VWA3B: variants seen among roughly 807,000 people sequenced by gnomAD.
VWA3B encodes von Willebrand factor A domain-containing protein 3B.
Under a neutral mutation model 158.3 loss-of-function variants are expected in VWA3B, and 138 were observed. The observed-to-expected ratio is 0.87, with a 90% CI of 0.76 to 1.00. The LOEUF (loss-of-function observed/expected upper bound fraction) is 1.00, where lower values mean the gene tolerates loss of function less well. Ranked by LOEUF, VWA3B falls within the 50% of genes least tolerant of loss-of-function variation. The probability of loss-of-function intolerance (pLI) is 0.00; values close to 1 mark genes in which losing one functional copy is unlikely to be tolerated. For missense variants in VWA3B, 1,555 were observed against 1,565.1 expected (o/e 0.99, Z 0.11); for synonymous variants, 596 against 587.3 (o/e 1.01, Z -0.21).
intron 6 of VWA3B, among the ~76,000 whole-genome samples, chr2:98,132,565 A>G (rs1344719942): frequency 6.6e-6 from 1 of 152,224 alleles, no homozygotes; most frequent in African/African-American, 2.4e-5. Context: ...AAGCGAGACT[A>G]TATCAGCCAG....
chr2:98,239,340 TCG>T (rs1685913977), intron 19 of VWA3B, among the ~76,000 whole-genome samples: 6 of 22,620 alleles, frequency 2.7e-4, no homozygotes, highest in African/African-American at 1.1e-3. Flanking sequence ...TGAAAAGTCC[TCG>T]TGCTAAATGA....
chr2:98,306,977 AAGGGCTAGCAGAACCG>A (rs1690566286), intron 26 of VWA3B, among the ~76,000 whole-genome samples: 1 of 152,188 alleles, frequency 6.6e-6, no homozygotes, highest in African/African-American at 2.4e-5. Flanking sequence ...TTTCTATAAT[AAGGGCTAGCAGAACCG>A]AGTACAAAAA....
At chr2:98,248,527 C>T (rs547515234) in intron 19 of VWA3B, among the ~76,000 whole-genome samples, 20 of 152,204 alleles carry the variant, frequency 1.3e-4, no homozygotes, top group South Asian at 1.0e-3. Flanking sequence ...TTAGGTCTTG[C>T]GAGGCTACAT....
chr2:98,278,751 G>C (rs186787185), intron 22 of VWA3B, among the ~76,000 whole-genome samples: 53 of 151,702 alleles, frequency 3.5e-4, no homozygotes, highest in Admixed American at 3.2e-3. Context: ...GGTACAGGAT[G>C]GGGGGGTGGT....
intron 13 of VWA3B, 53 bp from the exon 14 acceptor site, chr2:98,217,793 T>G: frequency 6.8e-7 from 1 of 1,473,540 alleles, no homozygotes; most frequent in Non-Finnish European, 9.0e-7. Context: ...TATTCTTTTC[T>G]TTCTCTTCTC....
At chr2:98,176,375 A>G (rs1263508237) in intron 8 of VWA3B, among the ~76,000 whole-genome samples, 2 of 133,224 alleles carry the variant, frequency 1.5e-5, no homozygotes, top group African/African-American at 2.9e-5. Flanking sequence ...CACTCAGTCT[A>G]AATTTCCTTA....
At chr2:98,298,910 A>G (rs565698116) in intron 24 of VWA3B, among the ~76,000 whole-genome samples, 1 of 152,350 alleles carries the variant, frequency 6.6e-6, no homozygotes, top group South Asian at 2.1e-4. Context: ...GAGGTGAATT[A>G]GTGCCCTATG....
chr2:98,254,054 G>A (rs1446578878), intron 20 of VWA3B, among the ~76,000 whole-genome samples: 2 of 152,124 alleles, frequency 1.3e-5, no homozygotes, highest in Non-Finnish European at 2.9e-5. Context: ...TAAAATTAGA[G>A]ACCTGTGCTA....
intron 14 of VWA3B, among the ~76,000 whole-genome samples, chr2:98,225,978 G>A (rs957369793): frequency 9.2e-5 from 14 of 152,276 alleles, no homozygotes; most frequent in South Asian, 8.3e-4. Flanking sequence ...CGGATTGAAC[G>A]ACTTAACATA....
At chr2:98,188,335 C>T (rs969294773) in intron 10 of VWA3B, among the ~76,000 whole-genome samples, 15 of 152,124 alleles carry the variant, frequency 9.9e-5, no homozygotes, top group African/African-American at 2.7e-4. Flanking sequence ...AAACACACGT[C>T]GTTTCTGTAT....
chr2:98,174,091 C>A (rs1371204171), intron 8 of VWA3B, among the ~76,000 whole-genome samples: 1 of 152,260 alleles, frequency 6.6e-6, no homozygotes, highest in East Asian at 1.9e-4. Flanking sequence ...GAGTTAAGGA[C>A]CTTCAAAACT....
chr2:98,108,274 C>G (rs892637181), intron 2 of VWA3B, among the ~76,000 whole-genome samples: 12 of 152,138 alleles, frequency 7.9e-5, no homozygotes, highest in Admixed American at 3.3e-4. Context: ...GTTTTATAAC[C>G]AAATATGTGC....
At chr2:98,233,984 C>T (rs1685503561) in intron 16 of VWA3B, among the ~76,000 whole-genome samples, 1 of 152,224 alleles carries the variant, frequency 6.6e-6, no homozygotes, top group African/African-American at 2.4e-5. Flanking sequence ...GCTAAGTTGT[C>T]ATTTGCCTGT....
chr2:98,308,350 C>T (rs1309301407), intron 26 of VWA3B, among the ~76,000 whole-genome samples: 6 of 152,194 alleles, frequency 3.9e-5, no homozygotes, highest in African/African-American at 7.2e-5. Context: ...CCTTCCCTTC[C>T]GTTCAGGAGT....
intron 8 of VWA3B, among the ~76,000 whole-genome samples, chr2:98,164,103 G>A (rs1300753299): frequency 1.3e-5 from 2 of 152,126 alleles, no homozygotes; most frequent in Admixed American, 1.3e-4. Flanking sequence ...CGCTGTCTGT[G>A]TCTGTGCAGG....
the VWA3B span, among the ~76,000 whole-genome samples, chr2:98,321,205 G>A: frequency 4.6e-5 from 7 of 152,192 alleles, no homozygotes; most frequent in African/African-American, 9.6e-5. Flanking sequence ...CCTAGATTTC[G>A]GAGGATGTTT....
At chr2:98,149,313 A>G (rs1677426175) in intron 7 of VWA3B, among the ~76,000 whole-genome samples, 1 of 152,222 alleles carries the variant, frequency 6.6e-6, no homozygotes, top group Non-Finnish European at 1.5e-5. Context: ...CAAACAAAGC[A>G]AGGGAAAAAT....
At chr2:98,254,590 CCGA>C (rs939314805) in intron 20 of VWA3B, among the ~76,000 whole-genome samples, 4 of 152,166 alleles carry the variant, frequency 2.6e-5, no homozygotes, top group African/African-American at 9.7e-5. Context: ...TTCCCTCTTC[CCGA>C]CTCTTTTTCT....
At chr2:98,189,574 G>A (rs1379952493) in intron 10 of VWA3B, among the ~76,000 whole-genome samples, 1 of 152,122 alleles carries the variant, frequency 6.6e-6, no homozygotes, top group Non-Finnish European at 1.5e-5. Context: ...TATACTACAG[G>A]TATCAATTAG....
Sources: allele counts gnomAD v4.1 joint callset (sites outside exome capture counted in the v4.1 genomes callset), GRCh38; gene constraint gnomAD v4.1.1; transcripts MANE v1.5; gene names NCBI Gene and HGNC (gene_info 2026-07-23, HGNC 2026-07-21).